ZNF568: variants seen among roughly 807,000 people sequenced by gnomAD.
The protein encoded by ZNF568 is zinc finger protein 568.
Under a neutral mutation model 18.1 loss-of-function variants are expected in ZNF568, and 11 were observed. The observed-to-expected ratio is 0.61, with a 90% confidence interval of 0.38 to 1.00. The LOEUF (loss-of-function observed/expected upper bound fraction) is 1.00. Ranked by LOEUF, ZNF568 falls within the 50% of genes least tolerant of loss-of-function variation. ZNF568 has a pLI of 0.01. For synonymous variants in ZNF568, 213 were observed against 246.6 expected (o/e 0.86, Z 1.28); for missense variants, 639 against 768.2 (o/e 0.83, Z 1.99).
At chr19:36,930,071 A>G (rs1056037956) in intron 4 of ZNF568, among the ~76,000 whole-genome samples, 1 of 151,848 alleles carries the variant, frequency 6.6e-6, no homozygotes, top group African/African-American at 2.4e-5. Flanking sequence ...ATTTCTTAAC[A>G]TTTGTATGTG....
intron 6 of ZNF568, among the ~76,000 whole-genome samples, chr19:36,969,555 A>G (rs567071415): frequency 6.6e-6 from 1 of 152,128 alleles, no homozygotes; most frequent in South Asian, 2.1e-4. Flanking sequence ...GGTGTCATAA[A>G]ACCGTGTTCT....
intron 6 of ZNF568, among the ~76,000 whole-genome samples, chr19:36,968,861 C>CTTTTTTTTTTTTT (rs111450122): frequency 6.8e-6 from 1 of 147,608 alleles, no homozygotes. Context: ...TGAATGAGTT[C>CTTTTTTTTTTTTT]TTTTTTTTTT....
chr19:36,996,956 A>G (rs1281578228), exon 5 of ZNF568: 4 of 1,538,982 alleles, frequency 2.6e-6, no homozygotes, highest in African/African-American at 1.4e-5. Context: ...GATGAGAAAT[A>G]CTATGAAAGT....
In ZNF568 at chr19:36,950,697, CA is replaced by C; in HGVS notation, c.1547del (p.Asn516ThrfsTer62). 6.2e-7 allele frequency: 1 copy of C among 1,613,758 alleles called. No individual in the cohort carries two copies. Among genetic ancestry groups the C allele is most frequent in the Non-Finnish European group, 8.5e-7 (1 of 1,179,934 alleles). Reference protein sequence around the residue: ...TVCGKAFSQKSNLTEHEKIHT... With the variant: ...TVCGKAFSQKXNLTEHEKIHT... The stretch of plus-strand genomic sequence containing the variant: ...TGTGGAAAAGCCTTTAGTCAGAAAT[CA>C]AACCTCACTGAACATGAGAAAATTC... On this transcript the variant is annotated frameshift_variant, in exon 7 of 7. Coordinates refer to ENST00000333987, the MANE Select transcript of ZNF568 (RefSeq NM_198539.4). LOFTEE classifies it low-confidence loss of function (END_TRUNC).
chr19:36,936,777 A>G lies in ZNF568; in HGVS notation c.167A>G (p.Asp56Gly). 4 of 1,613,820 alleles carry G rather than the reference A, an allele frequency of 2.5e-6. No individual in the cohort carries two copies. The highest frequency in any genetic ancestry group is 3.4e-6 in the Non-Finnish European group (4 of 1,179,820). ...ETVTFKDVAV[D>G]LTQEEWEQMK... is the part of the protein sequence containing the mutation. ...GTGACATTTAAGGATGTGGCTGTTG[A>G]CCTTACCCAGGAGGAGTGGGAGCAA... is the stretch of plus-strand genomic sequence containing the variant. The change falls in exon 5 of 7, where the codon GAC becomes GGC. Residue 56 changes from aspartate (D) to glycine (G), a missense_variant. Physicochemically the swap from Asp to Gly is moderately conservative, Grantham distance 94. Transcript: ENST00000333987.
chr19:36,986,233 G>C (rs968000593), intron 2 of ZNF568, among the ~76,000 whole-genome samples: 2 of 152,136 alleles, frequency 1.3e-5, no homozygotes, highest in African/African-American at 2.4e-5. Flanking sequence ...CCCTAGGAAT[G>C]GGAATGCCAC....
Position 36,925,184 on chromosome 19 carries a change from A to T in ZNF568, c.77-16A>T. On this transcript the variant is annotated splice_polypyrimidine_tract_variant and intron_variant, in intron 3 of 6. Transcript: ENST00000333987. ...TGAAACTTTGAAGCAAATCTGTTTCATTTCTCTTCCCTCAGCTTGGTGTTC... is the reference window on the plus strand; with the variant it reads ...TGAAACTTTGAAGCAAATCTGTTTCTTTTCTCTTCCCTCAGCTTGGTGTTC... 6.2e-7 allele frequency: 1 copy of T among 1,613,644 alleles called. No homozygotes were observed. Among genetic ancestry groups the T allele is most frequent in the Non-Finnish European group, 8.5e-7 (1 of 1,179,698 alleles).
chr19:36,941,970 T>C (rs948020915), intron 6 of ZNF568, among the ~76,000 whole-genome samples: 5 of 150,976 alleles, frequency 3.3e-5, no homozygotes, highest in East Asian at 2.0e-4. Flanking sequence ...CAAATGTTTA[T>C]ACTGCTCTGT....
chr19:36,978,295 G>A (rs1225910483), intron 7 of ZNF568, among the ~76,000 whole-genome samples: 1 of 152,166 alleles, frequency 6.6e-6, no homozygotes, highest in Non-Finnish European at 1.5e-5. Context: ...GTTTAGTCCT[G>A]GCAGGTATAA....
chr19:36,981,430 T>C (rs79034628), downstream of ZNF568, among the ~76,000 whole-genome samples: 314 of 152,340 alleles, frequency 2.1e-3, 3 homozygotes, highest in African/African-American at 7.4e-3. Flanking sequence ...TTTTACGGTA[T>C]TGAGTCTTCC....
At chr19:36,997,661 T>C (rs775460170), downstream of ZNF568, 14 of 1,277,482 alleles carry the variant, frequency 1.1e-5, no homozygotes, top group South Asian at 3.8e-5. Context: ...AAGGCCTTCA[T>C]TCGGGCCTCA....
At chr19:36,978,948 T>G in intron 7 of ZNF568, 1 of 343,302 alleles carries the variant, frequency 2.9e-6, no homozygotes, top group South Asian at 2.2e-5. Context: ...TTGCTGTATC[T>G]CTTATAGTCG....
At position 36,950,067 on chromosome 19, in the gene ZNF568, C is replaced by G. The variant is rs777596522; in HGVS notation, c.914C>G (p.Pro305Arg). The change falls in exon 7 of 7, where the codon CCT becomes CGT. Residue 305 changes from proline to arginine, a missense_variant. Pro to Arg is a moderately radical substitution (Grantham distance 103). Coordinates refer to ENST00000333987, the MANE Select transcript of ZNF568 (RefSeq NM_198539.4). The part of the protein sequence containing the change: ...RHHRIHTGEK[P>R]YACKDCWKAF... ...CACAGAATTCATACTGGGGAGAAACCTTATGCATGTAAGGATTGTTGGAAA... is the reference window on the plus strand; with the variant it reads ...CACAGAATTCATACTGGGGAGAAACGTTATGCATGTAAGGATTGTTGGAAA... 1 of 1,613,816 alleles carries G rather than the reference C, an allele frequency of 6.2e-7. No individual in the cohort carries two copies. Among genetic ancestry groups the G allele is most frequent in the Non-Finnish European group, 8.5e-7 (1 of 1,179,936 alleles).
intron 3 of ZNF568, chr19:36,991,730 G>T (rs1486530310): frequency 6.5e-7 from 1 of 1,541,010 alleles, no homozygotes; most frequent in South Asian, 1.2e-5. Flanking sequence ...ACAAAACCTT[G>T]TTCCCTTTGT....
chr19:36,940,403 T>C (rs576749957), intron 6 of ZNF568, among the ~76,000 whole-genome samples: 124 of 152,340 alleles, frequency 8.1e-4, no homozygotes, highest in Non-Finnish European at 1.4e-3. Flanking sequence ...ACCAGAGTGG[T>C]TGGAATCTGA....
chr19:36,962,996 G>A (rs2074167009), intron 6 of ZNF568, among the ~76,000 whole-genome samples: 1 of 152,070 alleles, frequency 6.6e-6, no homozygotes, highest in Admixed American at 6.6e-5. Context: ...CATATTGTGA[G>A]CCTTCTGTAT....
intron 7 of ZNF568, among the ~76,000 whole-genome samples, chr19:36,975,109 G>A (rs2074270592): frequency 6.7e-6 from 1 of 149,860 alleles, no homozygotes; most frequent in Non-Finnish European, 1.5e-5. Flanking sequence ...TTACAGGCGA[G>A]AGCCATCTTG....
chr19:36,975,681 CTTTTTTTTTT>C (rs1193440344), intron 7 of ZNF568, among the ~76,000 whole-genome samples: 2 of 75,802 alleles, frequency 2.6e-5, no homozygotes, highest in African/African-American at 1.2e-4. Flanking sequence ...CGCGCCAAGA[CTTTTTTTTTT>C]TTTTTTTTTT....
intron 6 of ZNF568, among the ~76,000 whole-genome samples, chr19:36,962,277 G>GTTATTTTTTTTTTTT (rs1555736279): frequency 2.2e-5 from 1 of 45,288 alleles, no homozygotes; most frequent in Non-Finnish European, 3.8e-5. Flanking sequence ...GTGTTGCAGT[G>GTTATTTTTTTTTTTT]TTTTTTTTTT....
Sources: allele counts gnomAD v4.1 joint callset (sites outside exome capture counted in the v4.1 genomes callset), GRCh38; gene constraint gnomAD v4.1.1; transcripts MANE v1.5; gene names NCBI Gene and HGNC (gene_info 2026-07-23, HGNC 2026-07-21).